DLG2: variants seen among roughly 807,000 people sequenced by gnomAD.
The protein encoded by DLG2 is discs large MAGUK scaffold protein 2.
In DLG2, 45 loss-of-function variants were observed where a neutral mutation model predicts 132.5. The ratio of observed to expected loss-of-function variants is 0.34; its 90% CI spans 0.27 to 0.44. DLG2 has a LOEUF of 0.44. Among genes scored for constraint, DLG2 ranks in the 20% least tolerant of loss-of-function variants. The pLI, the probability that DLG2 is intolerant of heterozygous loss-of-function variation, is 1.00. For missense variants in DLG2, 1,045 were observed against 1,196.9 expected (o/e 0.87, Z 1.87); for synonymous variants, 424 against 419.6 (o/e 1.01, Z -0.13).
intron 2 of DLG2, among the ~76,000 whole-genome samples, chr11:85,617,104 TAAATGGATACTTC>T (rs2081389603): frequency 6.6e-6 from 1 of 152,176 alleles, no homozygotes; most frequent in African/African-American, 2.4e-5. Flanking sequence ...TTACAGAAAA[TAAATGGATACTTC>T]TAACATACCT....
chr11:84,667,890 G>T (rs537666679), intron 6 of DLG2, among the ~76,000 whole-genome samples: 1 of 152,008 alleles, frequency 6.6e-6, no homozygotes, highest in Non-Finnish European at 1.5e-5. Flanking sequence ...ACAGAGCACA[G>T]ACTAAAAAAT....
At chr11:84,299,454 A>G (rs1471837884) in intron 7 of DLG2, among the ~76,000 whole-genome samples, 2 of 152,200 alleles carry the variant, frequency 1.3e-5, no homozygotes, top group East Asian at 1.9e-4. Flanking sequence ...ATATAATTCT[A>G]TATCAATTAG....
intron 6 of DLG2, among the ~76,000 whole-genome samples, chr11:84,689,237 T>TA (rs2057728633): frequency 6.6e-6 from 1 of 152,148 alleles, no homozygotes; most frequent in South Asian, 2.1e-4. Flanking sequence ...TACTAGTATT[T>TA]CTGGAGGTAA....
chr11:83,902,281 T>G (rs961393678), intron 15 of DLG2, among the ~76,000 whole-genome samples: 1 of 152,200 alleles, frequency 6.6e-6, no homozygotes, highest in Non-Finnish European at 1.5e-5. Flanking sequence ...TGTACTTGAT[T>G]CTGTAGTACC....
chr11:84,163,194 C>T (rs1163283284), intron 9 of DLG2, among the ~76,000 whole-genome samples: 1 of 152,126 alleles, frequency 6.6e-6, no homozygotes, highest in Admixed American at 6.6e-5. Flanking sequence ...GAACAAAGTG[C>T]TGTACAAGCT....
intron 7 of DLG2, among the ~76,000 whole-genome samples, chr11:84,529,149 A>C (rs569059345): frequency 6.6e-6 from 1 of 152,288 alleles, no homozygotes; most frequent in East Asian, 1.9e-4. Context: ...TTACTAAGAC[A>C]ATCTAAAAGC....
chr11:85,149,009 C>T (rs1285708735), intron 5 of DLG2, among the ~76,000 whole-genome samples: 1 of 152,156 alleles, frequency 6.6e-6, no homozygotes, highest in Non-Finnish European at 1.5e-5. Context: ...ATACGGAATC[C>T]TTTCCCCATT....
At chr11:85,029,966 G>C (rs2060870912) in intron 6 of DLG2, among the ~76,000 whole-genome samples, 1 of 152,084 alleles carries the variant, frequency 6.6e-6, no homozygotes, top group African/African-American at 2.4e-5. Flanking sequence ...ATAAGGCAAA[G>C]AGCGAGCTGT....
At chr11:84,669,416 A>C (rs2099703338) in intron 6 of DLG2, among the ~76,000 whole-genome samples, 1 of 152,140 alleles carries the variant, frequency 6.6e-6, no homozygotes, top group Admixed American at 6.6e-5. Flanking sequence ...CAAATACCAG[A>C]CTGTCTATAT....
At chr11:83,469,713 G>A (rs1428889123) in intron 24 of DLG2, among the ~76,000 whole-genome samples, 1 of 152,116 alleles carries the variant, frequency 6.6e-6, no homozygotes, top group African/African-American at 2.4e-5. Flanking sequence ...TAGAAGACAC[G>A]GGAGTTGAGT....
At chr11:83,534,715 T>A (rs955641659) in intron 20 of DLG2, among the ~76,000 whole-genome samples, 5 of 152,032 alleles carry the variant, frequency 3.3e-5, no homozygotes, top group African/African-American at 1.2e-4. Context: ...CAGGTGTGTA[T>A]CACCTGAGGT....
Position 83,541,704 on chromosome 11 carries a change from C to G in DLG2, c.2095G>C (p.Gly699Arg). The change falls in exon 20 of 28, where the codon GGG (glycine) becomes CGG (arginine). Residue 699 changes from glycine (G) to arginine (R), a missense_variant. Transcript: ENST00000376104. Reference protein sequence around the residue: ...VMLEGDSEEMGVIPSKRRVER... With the variant: ...VMLEGDSEEMRVIPSKRRVER... ...TACCTCCTTTTGCTGGGGATGACCCCCATCTCCTCACTGTCTCCCTCCAGC... is the reference window on the plus strand; with the variant it reads ...TACCTCCTTTTGCTGGGGATGACCCGCATCTCCTCACTGTCTCCCTCCAGC... 1 of 1,609,940 alleles carries G rather than the reference C, an allele frequency of 6.2e-7. No individual in the cohort carries two copies. Among genetic ancestry groups the G allele is most frequent in the Non-Finnish European group, 8.5e-7 (1 of 1,178,082 alleles).
intron 2 of DLG2, among the ~76,000 whole-genome samples, chr11:85,608,692 G>A (rs2080768043): frequency 6.6e-6 from 1 of 152,118 alleles, no homozygotes; most frequent in Non-Finnish European, 1.5e-5. Flanking sequence ...CCTTCAAGCT[G>A]TAGGGGGTGG....
chr11:83,934,646 C>G (rs1192199961), intron 14 of DLG2, among the ~76,000 whole-genome samples: 1 of 152,164 alleles, frequency 6.6e-6, no homozygotes, highest in Non-Finnish European at 1.5e-5. Flanking sequence ...GTGACTTACA[C>G]TTTATTGAGT....
intron 18 of DLG2, among the ~76,000 whole-genome samples, chr11:83,676,987 C>T (rs1392772450): frequency 6.6e-6 from 1 of 152,092 alleles, no homozygotes; most frequent in East Asian, 1.9e-4. Flanking sequence ...GCAAGGTAAT[C>T]TGGATTATTC....
Position 83,530,163 on chromosome 11 carries a change from A to G in DLG2, c.2193+2545T>C, listed in dbSNP as rs547938594. On this transcript the variant is annotated intron_variant, in intron 21 of 27. Coordinates refer to ENST00000376104, the MANE Select transcript of DLG2 (RefSeq NM_001142699.3). Reference sequence around the variant, plus strand: ...AGAGGTCTATCCTTAAATTCTCACCAGGAATCATGGAAAAAAAACCTACCT... The same window carrying G: ...AGAGGTCTATCCTTAAATTCTCACCGGGAATCATGGAAAAAAAACCTACCT... 3.2e-4 allele frequency among the ~76,000 whole-genome samples: 48 copies of G among 152,106 alleles called. No homozygotes were observed. The South Asian group carries it at 7.1e-3, about 22-fold the overall frequency.
chr11:84,560,531 C>A (rs1249569853), intron 6 of DLG2, among the ~76,000 whole-genome samples: 1 of 151,948 alleles, frequency 6.6e-6, no homozygotes, highest in Non-Finnish European at 1.5e-5. Context: ...TGAATGTGCG[C>A]CTCTAATAAA....
chr11:83,530,928 A>C (rs888254583), intron 21 of DLG2, among the ~76,000 whole-genome samples: 10 of 152,020 alleles, frequency 6.6e-5, no homozygotes, highest in Admixed American at 5.2e-4. Context: ...GCAATGAACA[A>C]TCCAAAAATG....
intron 6 of DLG2, chr11:84,546,799 C>A (rs1221650400): frequency 8.8e-6 from 2 of 227,904 alleles, no homozygotes; most frequent in South Asian, 7.1e-5. Flanking sequence ...CCAATGAAGA[C>A]CTTCCAGTTA....
Sources: allele counts gnomAD v4.1 joint callset (sites outside exome capture counted in the v4.1 genomes callset), GRCh38; gene constraint gnomAD v4.1.1; transcripts MANE v1.5; gene names NCBI Gene and HGNC (gene_info 2026-07-23, HGNC 2026-07-21).